The following KLF8 variants were observed in gnomAD, a reference collection of about 807,000 sequenced individuals.
KLF8 encodes Krueppel-like factor 8.
Under a neutral mutation model 18.2 loss-of-function variants are expected in KLF8, and 10 were observed. The ratio of observed to expected loss-of-function variants is 0.55; its 90% CI spans 0.34 to 0.93. KLF8 has a LOEUF of 0.93. KLF8 is among the 40% of genes least tolerant of loss of function. KLF8 has a pLI of 0.02. For synonymous variants in KLF8, 109 were observed against 97.3 expected, an observed-to-expected ratio of 1.12 and a Z score of -0.71; for missense variants, 264 against 277.9, an observed-to-expected ratio of 0.95 and a Z score of 0.36.
the KLF8 span, among the ~76,000 whole-genome samples, chrX:55,936,455 C>G: frequency 8.9e-6 from 1 of 112,643 alleles, no homozygotes; most frequent in African/African-American, 3.2e-5. Context: ...ATGAGCGATG[C>G]AGAAGATGGG....
the KLF8 span, among the ~76,000 whole-genome samples, chrX:56,001,984 C>G: frequency 8.9e-6 from 1 of 112,015 alleles, no homozygotes; most frequent in East Asian, 2.8e-4. Context: ...GAAGTCCAGA[C>G]TTTTTATGAA....
At chrX:56,043,362 C>A in the KLF8 span, among the ~76,000 whole-genome samples, 1 of 110,738 alleles carries the variant, frequency 9.0e-6, no homozygotes, top group Non-Finnish European at 1.9e-5. Flanking sequence ...GTTTGCCTGT[C>A]TTGCTTGGTT....
At chrX:56,159,090 G>T in the KLF8 span, among the ~76,000 whole-genome samples, 1 of 112,026 alleles carries the variant, frequency 8.9e-6, no homozygotes, top group Non-Finnish European at 1.9e-5. Context: ...AGAATTTTTA[G>T]CATGAAGCGT....
chrX:56,203,087 T>A, the KLF8 span, among the ~76,000 whole-genome samples: 1 of 111,382 alleles, frequency 9.0e-6, no homozygotes, highest in East Asian at 2.8e-4. Flanking sequence ...TGCCAACATT[T>A]ATTATTGTCT....
chrX:56,131,530 G>T, the KLF8 span, among the ~76,000 whole-genome samples: 1 of 110,652 alleles, frequency 9.0e-6, no homozygotes, highest in South Asian at 3.8e-4. Flanking sequence ...CATCAAAACA[G>T]AACCTCTTTA....
the KLF8 span, among the ~76,000 whole-genome samples, chrX:56,144,681 A>T: frequency 1.0e-5 from 1 of 99,556 alleles, no homozygotes. Context: ...TGAACCCGGG[A>T]GGTGGAGGTT....
chrX:56,071,171 T>C, the KLF8 span, among the ~76,000 whole-genome samples: 1 of 111,849 alleles, frequency 8.9e-6, no homozygotes, highest in Non-Finnish European at 1.9e-5. Context: ...AGTCAAGGTC[T>C]AATTTTTCAA....
intron 5 of KLF8, among the ~76,000 whole-genome samples, chrX:56,282,966 A>G (rs2067220548): frequency 8.9e-6 from 1 of 111,743 alleles, no homozygotes; most frequent in Admixed American, 9.5e-5. Flanking sequence ...AAAAATGAAA[A>G]GTTCTCTTCC....
the KLF8 span, among the ~76,000 whole-genome samples, chrX:56,121,811 A>T: frequency 8.9e-6 from 1 of 112,270 alleles, no homozygotes; most frequent in African/African-American, 3.2e-5. Flanking sequence ...ATAAATAGAA[A>T]GGTCCTTATT....
At chrX:56,048,359 T>C in the KLF8 span, among the ~76,000 whole-genome samples, 11 of 112,054 alleles carry the variant, frequency 9.8e-5, no homozygotes, top group Non-Finnish European at 2.1e-4. Context: ...ATGTCCTGAA[T>C]GGTATTGCCT....
the KLF8 span, among the ~76,000 whole-genome samples, chrX:56,066,308 C>A: frequency 1.8e-5 from 2 of 112,080 alleles, no homozygotes; most frequent in Non-Finnish European, 3.8e-5. Flanking sequence ...GATTCCCAGG[C>A]CCCCAGATGT....
chrX:56,031,173 G>T, the KLF8 span, among the ~76,000 whole-genome samples: 2 of 111,306 alleles, frequency 1.8e-5, no homozygotes, highest in East Asian at 5.7e-4. Flanking sequence ...CTTACTTTGT[G>T]CCTGACCCAT....
At chrX:55,924,437 A>G in the KLF8 span, among the ~76,000 whole-genome samples, 1 of 111,075 alleles carries the variant, frequency 9.0e-6, no homozygotes, top group Non-Finnish European at 1.9e-5. Context: ...GTGACAGTTT[A>G]TGACCATTAT....
At chrX:55,972,489 C>G in the KLF8 span, among the ~76,000 whole-genome samples, 3 of 110,494 alleles carry the variant, frequency 2.7e-5, no homozygotes, top group Non-Finnish European at 5.7e-5. Context: ...TGATCATAGT[C>G]AATAATGATT....
chrX:55,940,735 C>T, the KLF8 span, among the ~76,000 whole-genome samples: 1 of 111,538 alleles, frequency 9.0e-6, no homozygotes, highest in Non-Finnish European at 1.9e-5. Flanking sequence ...ACACCAGTAA[C>T]AGACAGAGAG....
At chrX:56,222,032 C>T in the KLF8 span, among the ~76,000 whole-genome samples, 1 of 111,190 alleles carries the variant, frequency 9.0e-6, no homozygotes, top group Non-Finnish European at 1.9e-5. Flanking sequence ...TCTCCACCTC[C>T]CCACTAGATT....
At chrX:56,137,576 A>T in the KLF8 span, among the ~76,000 whole-genome samples, 1 of 87,454 alleles carries the variant, frequency 1.1e-5, no homozygotes. Context: ...GGACACAGGA[A>T]GGGGAACATC....
At position 56,232,562 on chromosome X, in the gene KLF8, A is replaced by C. The variant is rs1260070251; in HGVS notation, c.-773A>C. ...CCCCGTGGGGCAGCTAGGTGCCTCCAAGAAACCCCGCCCCAGAGGACCCGC... is the reference window on the plus strand; with the variant it reads ...CCCCGTGGGGCAGCTAGGTGCCTCCCAGAAACCCCGCCCCAGAGGACCCGC... On this transcript the variant is annotated 5_prime_UTR_variant, in exon 1 of 6. Coordinates refer to ENST00000468660, the MANE Select transcript of KLF8 (RefSeq NM_007250.5). 1.8e-5 allele frequency: 2 copies of C among 111,245 alleles called. No homozygotes were observed. The highest frequency in any genetic ancestry group is 3.3e-5 in the African/African-American group (1 of 30,568). 9.2% of individuals were successfully genotyped at this position (111,245 alleles called of 1,213,427 possible). A position where few individuals can be genotyped will look rare whatever the true frequency, so the allele number is the denominator to read the frequency against.
chrX:55,977,335 G>T, the KLF8 span, among the ~76,000 whole-genome samples: 1 of 111,850 alleles, frequency 8.9e-6, no homozygotes, highest in Non-Finnish European at 1.9e-5. Context: ...TTTCTTCTTT[G>T]CTCTTCAATT....
Sources: allele counts gnomAD v4.1 joint callset (sites outside exome capture counted in the v4.1 genomes callset), GRCh38; gene constraint gnomAD v4.1.1; transcripts MANE v1.5; gene names NCBI Gene and HGNC (gene_info 2026-07-23, HGNC 2026-07-21).